IGSF10: variants seen among roughly 807,000 people sequenced by gnomAD.
The protein encoded by IGSF10 is immunoglobulin superfamily member 10.
Under a neutral mutation model 128.2 loss-of-function variants are expected in IGSF10, and 126 were observed. The observed-to-expected ratio is 0.98, with a 90% CI of 0.85 to 1.14. IGSF10 has a LOEUF of 1.14. Ranked by LOEUF, IGSF10 falls within the 50% of genes most tolerant of loss-of-function variation. IGSF10 has a pLI of 0.00. For synonymous variants in IGSF10, 1,185 were observed against 1,146.2 expected (o/e 1.03, Z -0.68); for missense variants, 3,295 against 3,149.8 (o/e 1.05, Z -1.10).
chr3:151,595,901 T>C, the IGSF10 span, among the ~76,000 whole-genome samples: 1 of 152,094 alleles, frequency 6.6e-6, no homozygotes, highest in Non-Finnish European at 1.5e-5. Flanking sequence ...AGGAATACAG[T>C]TAATAATATT....
chr3:151,551,897 A>G, the IGSF10 span, among the ~76,000 whole-genome samples: 1 of 152,184 alleles, frequency 6.6e-6, no homozygotes, highest in Non-Finnish European at 1.5e-5. Context: ...CTGTGATTCA[A>G]ACAAGTTGTG....
the IGSF10 span, among the ~76,000 whole-genome samples, chr3:151,513,899 G>T: frequency 6.6e-6 from 1 of 152,052 alleles, no homozygotes; most frequent in African/African-American, 2.4e-5. Context: ...AAATACCTAG[G>T]AATCCAACTT....
chr3:151,432,546 A>G (rs1719654179), downstream of IGSF10, among the ~76,000 whole-genome samples: 1 of 152,194 alleles, frequency 6.6e-6, no homozygotes, highest in South Asian at 2.1e-4. Flanking sequence ...TGCATTGGCA[A>G]GTGTGGACTG....
chr3:151,465,522 G>A (rs1722250110), upstream of IGSF10, among the ~76,000 whole-genome samples: 1 of 152,228 alleles, frequency 6.6e-6, no homozygotes, highest in African/African-American at 2.4e-5. Context: ...GCACCTAAGA[G>A]ATTTGAGAAC....
At chr3:151,495,251 A>C in the IGSF10 span, among the ~76,000 whole-genome samples, 4 of 152,172 alleles carry the variant, frequency 2.6e-5, no homozygotes, top group Middle Eastern at 3.2e-3. Context: ...AGAAATTATG[A>C]CTGGAATGGG....
At chr3:151,485,633 T>G in the IGSF10 span, among the ~76,000 whole-genome samples, 9 of 151,888 alleles carry the variant, frequency 5.9e-5, no homozygotes, top group Non-Finnish European at 1.2e-4. Context: ...CAGAAGAGAG[T>G]GGGGGCCAAT....
chr3:151,475,497 T>A, the IGSF10 span, among the ~76,000 whole-genome samples: 1 of 152,184 alleles, frequency 6.6e-6, no homozygotes, highest in Non-Finnish European at 1.5e-5. Context: ...AACTTAGGAG[T>A]ATATGCCTGT....
the IGSF10 span, among the ~76,000 whole-genome samples, chr3:151,542,758 T>TA: frequency 6.6e-6 from 1 of 152,244 alleles, no homozygotes; most frequent in Non-Finnish European, 1.5e-5. Context: ...CCTGTTAGAT[T>TA]ACGTCCTTTC....
the IGSF10 span, among the ~76,000 whole-genome samples, chr3:151,582,143 A>G: frequency 6.6e-6 from 1 of 152,244 alleles, no homozygotes; most frequent in African/African-American, 2.4e-5. Flanking sequence ...ATATTTCTAA[A>G]CTGTAAATAG....
chr3:151,574,061 G>A, the IGSF10 span, among the ~76,000 whole-genome samples: 52 of 152,284 alleles, frequency 3.4e-4, no homozygotes, highest in East Asian at 6.6e-3. Flanking sequence ...CTCTTCTGGC[G>A]TGTAGAGTTT....
the IGSF10 span, among the ~76,000 whole-genome samples, chr3:151,545,067 T>C: frequency 7.9e-5 from 12 of 152,226 alleles, no homozygotes; most frequent in Non-Finnish European, 1.3e-4. Context: ...TCCTTCTTAA[T>C]AGCCTTTTGT....
chr3:151,510,714 G>GA, the IGSF10 span, among the ~76,000 whole-genome samples: 4 of 151,820 alleles, frequency 2.6e-5, no homozygotes, highest in African/African-American at 7.3e-5. Context: ...TAAAAACTTT[G>GA]AAAAAAAATT....
At chr3:151,619,545 T>C in the IGSF10 span, among the ~76,000 whole-genome samples, 1 of 151,986 alleles carries the variant, frequency 6.6e-6, no homozygotes, top group African/African-American at 2.4e-5. Flanking sequence ...GTTGAGAATT[T>C]ATATTTGTTT....
the IGSF10 span, among the ~76,000 whole-genome samples, chr3:151,522,216 C>A: frequency 1.3e-5 from 2 of 151,830 alleles, no homozygotes; most frequent in African/African-American, 4.8e-5. Flanking sequence ...GCTTGCCAAC[C>A]AAAAAAATCC....
rs1270613928 is a variant in IGSF10 at position 151,437,073 on chromosome 3, T to G, written c.7488A>C (p.Ala2496=). 1.2e-6 allele frequency: 2 copies of G among 1,614,134 alleles called. No individual in the cohort carries two copies. Among genetic ancestry groups the G allele is most frequent in the African/African-American group, 1.3e-5 (1 of 74,954 alleles). ...HDNGTLVIKE[A]TAYDRGNYIC... is the part of the protein sequence containing the mutation. ...TATAGTTTCCTCTGTCATAAGCTGT[T>G]GCTTCTTTAATGACTAAGGTGCCAT... Residue 2496 remains alanine (A), a synonymous_variant, in exon 8 of 8, where the codon GCA becomes GCC. Coordinates refer to ENST00000282466, the MANE Select transcript of IGSF10 (RefSeq NM_178822.5).
chr3:151,442,846 G>T lies in IGSF10; in HGVS notation c.5963+138C>A, dbSNP rs1365528720. 1.8e-5 allele frequency: 11 copies of T among 599,046 alleles called. No individual in the cohort carries two copies. In the Admixed American group the frequency reaches 3.0e-4, roughly 17 times the overall value. The allele number at this position is 599,046 out of a possible 1,614,324, so 37.1% of individuals were successfully genotyped here. A position where few individuals can be genotyped will look rare whatever the true frequency, so the allele number is the denominator to read the frequency against. ...TGATCTCAAAAGATTAGTTTTTTTT[G>T]AGAGAGTTTCCTTTATGTCCAAAGT... On this transcript the variant is annotated intron_variant, in intron 7 of 7. Transcript: ENST00000282466.
At chr3:151,434,268 T>C (rs1166517250), downstream of IGSF10, 1 of 152,228 alleles carries the variant, frequency 6.6e-6, no homozygotes, top group African/African-American at 2.4e-5. Flanking sequence ...ACATTTTCTT[T>C]TGCAAATCAT....
the IGSF10 span, among the ~76,000 whole-genome samples, chr3:151,544,576 A>G: frequency 6.6e-6 from 1 of 152,068 alleles, no homozygotes; most frequent in Non-Finnish European, 1.5e-5. Context: ...TTCATTCCCT[A>G]CCCACCTACC....
the IGSF10 span, among the ~76,000 whole-genome samples, chr3:151,473,382 C>T: frequency 6.6e-6 from 1 of 152,154 alleles, no homozygotes; most frequent in African/African-American, 2.4e-5. Flanking sequence ...AACATCACTG[C>T]TATTTGCTTT....
Sources: gnomAD v4.1 joint callset for allele counts (sites outside exome capture counted in the v4.1 genomes callset) on GRCh38, gnomAD v4.1.1 for gene constraint, MANE v1.5 for transcripts, NCBI Gene and HGNC (gene_info 2026-07-23, HGNC 2026-07-21) for gene names.